PDZRN4: variants seen among roughly 807,000 people sequenced by gnomAD.
The protein encoded by PDZRN4 is PDZ domain containing ring finger 4, also known as PDZ domain-containing RING finger protein 4.
In PDZRN4, 70 loss-of-function variants were observed where a neutral mutation model predicts 99.0. The ratio of observed to expected loss-of-function variants is 0.71; its 90% confidence interval spans 0.58 to 0.86. PDZRN4 has a LOEUF of 0.86. Among genes scored for constraint, PDZRN4 ranks in the 40% least tolerant of loss-of-function variants. PDZRN4 has a pLI of 0.00. For synonymous variants in PDZRN4, 551 were observed against 501.6 expected, an observed-to-expected ratio of 1.10 and a Z score of -1.32; for missense variants, 1,474 against 1,331.2, an observed-to-expected ratio of 1.11 and a Z score of -1.67.
chr12:41,443,977 A>C (rs767752443), intron 3 of PDZRN4, among the ~76,000 whole-genome samples: 1 of 152,124 alleles, frequency 6.6e-6, no homozygotes, highest in African/African-American at 2.4e-5. Flanking sequence ...AGCACTGAGA[A>C]ACAGGCCAAT....
chr12:41,495,214 G>T (rs1937974123), intron 3 of PDZRN4, among the ~76,000 whole-genome samples: 1 of 151,974 alleles, frequency 6.6e-6, no homozygotes, highest in African/African-American at 2.4e-5. Context: ...TACCCAATTG[G>T]CTAGGTTGGT....
intron 3 of PDZRN4, among the ~76,000 whole-genome samples, chr12:41,331,693 A>C (rs1951741813): frequency 6.6e-6 from 1 of 152,174 alleles, no homozygotes; most frequent in Non-Finnish European, 1.5e-5. Context: ...AAAGAGATTT[A>C]ATTGACTCAC....
chr12:41,230,730 G>T (rs755600209), intron 3 of PDZRN4, among the ~76,000 whole-genome samples: 31 of 151,914 alleles, frequency 2.0e-4, no homozygotes, highest in Non-Finnish European at 4.0e-4. Flanking sequence ...GAAGTCATTT[G>T]TTATTCTTAG....
At chr12:41,232,708 C>A (rs1162902217) in intron 3 of PDZRN4, among the ~76,000 whole-genome samples, 2 of 151,978 alleles carry the variant, frequency 1.3e-5, no homozygotes, top group African/African-American at 4.8e-5. Context: ...GCTTTTGTTG[C>A]CGTTGCTTTT....
At chr12:41,376,398 G>GT (rs1183527287) in intron 3 of PDZRN4, among the ~76,000 whole-genome samples, 1 of 151,630 alleles carries the variant, frequency 6.6e-6, no homozygotes, top group Admixed American at 6.6e-5. Flanking sequence ...GTTATCTCTT[G>GT]TTTTTTTTAG....
chr12:41,439,373 G>C (rs1216443648), intron 3 of PDZRN4, among the ~76,000 whole-genome samples: 33 of 152,184 alleles, frequency 2.2e-4, no homozygotes, highest in Non-Finnish European at 1.5e-5. Context: ...TTGGTTGTTA[G>C]AGTTTGAGTT....
chr12:41,356,491 G>A (rs2121049770), intron 3 of PDZRN4, among the ~76,000 whole-genome samples: 1 of 152,044 alleles, frequency 6.6e-6, no homozygotes, highest in East Asian at 1.9e-4. Context: ...AGTCTACATT[G>A]ACAAGAAGAA....
At chr12:41,312,562 GGGGAGGCTTCACAACTGTGGT>G (rs1203140719) in intron 3 of PDZRN4, among the ~76,000 whole-genome samples, 2 of 152,156 alleles carry the variant, frequency 1.3e-5, no homozygotes, top group Admixed American at 6.6e-5. Flanking sequence ...CCACATGGCT[GGGGAGGCTTCACAACTGTGGT>G]GGAAGATGAA....
At chr12:41,548,946 C>T (rs1041209021) in intron 5 of PDZRN4, among the ~76,000 whole-genome samples, 3 of 152,146 alleles carry the variant, frequency 2.0e-5, no homozygotes, top group Non-Finnish European at 4.4e-5. Context: ...ATCAATTTCT[C>T]ACAATATTAG....
chr12:41,396,451 A>T (rs924272518), intron 3 of PDZRN4, among the ~76,000 whole-genome samples: 6 of 152,122 alleles, frequency 3.9e-5, no homozygotes, highest in Admixed American at 3.9e-4. Flanking sequence ...CAATTTCCGG[A>T]TATCAAAATC....
chr12:41,541,291 C>T (rs1565610049), intron 5 of PDZRN4, among the ~76,000 whole-genome samples: 1 of 151,918 alleles, frequency 6.6e-6, no homozygotes, highest in Non-Finnish European at 1.5e-5. Flanking sequence ...CTCTCAAGGG[C>T]TAAGCAGTGT....
chr12:41,513,566 G>T (rs1282393840), intron 5 of PDZRN4, among the ~76,000 whole-genome samples: 3 of 152,024 alleles, frequency 2.0e-5, no homozygotes, highest in Admixed American at 2.0e-4. Flanking sequence ...GTAAGAGTCA[G>T]GGTGTTCCAT....
intron 3 of PDZRN4, among the ~76,000 whole-genome samples, chr12:41,232,504 C>T (rs1951034956): frequency 6.6e-6 from 1 of 152,100 alleles, no homozygotes; most frequent in African/African-American, 2.4e-5. Context: ...TGAAGTTTCT[C>T]TTATCCTTAC....
At chr12:41,304,171 C>A (rs1045283370) in intron 3 of PDZRN4, among the ~76,000 whole-genome samples, 2 of 152,148 alleles carry the variant, frequency 1.3e-5, no homozygotes, top group Admixed American at 1.3e-4. Context: ...GAAGAGTATG[C>A]TGTTTACATA....
At chr12:41,419,861 G>A (rs1018234568) in intron 3 of PDZRN4, among the ~76,000 whole-genome samples, 1 of 152,090 alleles carries the variant, frequency 6.6e-6, no homozygotes, top group African/African-American at 2.4e-5. Context: ...ACATCCATCA[G>A]GCTATAAGAT....
At chr12:41,198,693 T>C (rs1339385205) in intron 3 of PDZRN4, among the ~76,000 whole-genome samples, 1 of 151,272 alleles carries the variant, frequency 6.6e-6, no homozygotes, top group Non-Finnish European at 1.5e-5. Flanking sequence ...CACACCAGCA[T>C]GGCACATGTA....
chr12:41,380,349 G>A lies in PDZRN4; in HGVS notation c.844-126107G>A, dbSNP rs562774060. Reference sequence around the variant, plus strand: ...TAATTCATTTACATTGAGAGTAATAGATAAGGCCTTGCTATTGCCATTTTG... The same window carrying A: ...TAATTCATTTACATTGAGAGTAATAAATAAGGCCTTGCTATTGCCATTTTG... On this transcript the variant is annotated intron_variant, in intron 3 of 9. Coordinates refer to ENST00000402685, the MANE Select transcript of PDZRN4 (RefSeq NM_001164595.2). 2.6e-5 allele frequency among the ~76,000 whole-genome samples: 4 copies of A among 152,102 alleles called. No homozygotes were observed. In the East Asian group the frequency reaches 7.7e-4, roughly 29 times the overall value.
chr12:41,510,074 G>C (rs917288652), intron 5 of PDZRN4, among the ~76,000 whole-genome samples, 161 bp downstream of exon 5: 2 of 152,010 alleles, frequency 1.3e-5, no homozygotes, highest in Non-Finnish European at 2.9e-5. Context: ...TGTGGCTCTC[G>C]TGTTTTAAGT....
chr12:41,441,006 T>C (rs1952676388), intron 3 of PDZRN4, among the ~76,000 whole-genome samples: 1 of 152,174 alleles, frequency 6.6e-6, no homozygotes, highest in South Asian at 2.1e-4. Context: ...GATTATATAA[T>C]AATACTTAAA....
Sources: allele counts gnomAD v4.1 joint callset (sites outside exome capture counted in the v4.1 genomes callset), GRCh38; gene constraint gnomAD v4.1.1; transcripts MANE v1.5; gene names NCBI Gene and HGNC (gene_info 2026-07-23, HGNC 2026-07-21).